PPP1R1C: variants seen among roughly 807,000 people sequenced by gnomAD.
PPP1R1C encodes protein phosphatase 1 regulatory subunit 1C.
In PPP1R1C, 15 loss-of-function variants were observed where a neutral mutation model predicts 17.4. The observed-to-expected ratio is 0.86, with a 90% CI of 0.58 to 1.33. The LOEUF is 1.33. PPP1R1C is among the 40% of genes most tolerant of loss of function. The pLI, the probability that PPP1R1C is intolerant of heterozygous loss-of-function variation, is 0.00. For synonymous variants in PPP1R1C, 35 were observed against 43.1 expected, an observed-to-expected ratio of 0.81 and a Z score of 0.73; for missense variants, 143 against 130.0, an observed-to-expected ratio of 1.10 and a Z score of -0.48.
intron 2 of PPP1R1C, among the ~76,000 whole-genome samples, chr2:181,977,344 T>C (rs1685112096): frequency 6.6e-6 from 1 of 152,058 alleles, no homozygotes; most frequent in Admixed American, 6.6e-5. Flanking sequence ...CATGTTGTTA[T>C]TCTTTCCTGG....
In PPP1R1C at chr2:182,010,271, A is replaced by T. The variant is rs771066242; in HGVS notation, c.142+22372A>T. ...ATTCATGAACATGAAATATTTTTGC[A>T]TTTTTTTGTGTCCTTTTCATTTTCT... On this transcript the variant is annotated intron_variant, in intron 2 of 4. Coordinates refer to ENST00000682840, the MANE Select transcript of PPP1R1C (RefSeq NM_001080545.3). Among the ~76,000 whole-genome samples, 164 of 151,866 alleles carry T rather than the reference A, an allele frequency of 1.1e-3. No individual in the cohort carries two copies. In the Middle Eastern group the frequency reaches 0.024, roughly 22 times the overall value.
intron 4 of PPP1R1C, among the ~76,000 whole-genome samples, chr2:182,076,037 C>G (rs1007885102): frequency 1.3e-5 from 2 of 151,492 alleles, no homozygotes; most frequent in African/African-American, 4.8e-5. Flanking sequence ...ATTATTTTAT[C>G]TTTAAGTTTT....
chr2:181,972,676 G>A (rs758886704), intron 1 of PPP1R1C, among the ~76,000 whole-genome samples: 2 of 152,112 alleles, frequency 1.3e-5, no homozygotes, highest in African/African-American at 2.4e-5. Context: ...CAAAGTGAAA[G>A]GACTTGGGTT....
chr2:181,962,087 TTGAGGTAATGACTCCAGTCTC>T lies in PPP1R1C; in HGVS notation n.111+7457_111+7477del, dbSNP rs1684809053. 1.4e-6 allele frequency: 1 copy of T among 721,864 alleles called. No individual in the cohort carries two copies. Among genetic ancestry groups the T allele is most frequent in the Non-Finnish European group, 2.6e-6 (1 of 390,946 alleles). 44.7% of individuals were successfully genotyped at this position (721,864 alleles called of 1,614,324 possible). ...CTGAACCCTCAGGTCCTCGATGGTC[TTGAGGTAATGACTCCAGTCTC>T]TGACCTGGAGTCCCTTCTTCTCCAG... On this transcript the variant is annotated intron_variant and non_coding_transcript_variant, in intron 1 of 5. Coordinates refer to the PPP1R1C transcript ENST00000464264. This position sits in a 1 kb window ranked among gnomAD's most constrained non-coding sequence, Gnocchi z 6.0.
At chr2:182,083,310 T>A in intron 4 of PPP1R1C, among the ~76,000 whole-genome samples, 1 of 152,178 alleles carries the variant, frequency 6.6e-6, no homozygotes, top group East Asian at 1.9e-4. Flanking sequence ...CACGGATGAA[T>A]TGTATAGTGG....
At chr2:181,990,360 G>A (rs1202834849) in intron 2 of PPP1R1C, among the ~76,000 whole-genome samples, 1 of 151,964 alleles carries the variant, frequency 6.6e-6, no homozygotes, top group East Asian at 1.9e-4. Context: ...TAGCCGGATG[G>A]TCTCGATCTC....
intron 2 of PPP1R1C, among the ~76,000 whole-genome samples, chr2:182,039,396 T>C (rs530756545): frequency 2.0e-5 from 3 of 152,270 alleles, no homozygotes; most frequent in Middle Eastern, 6.8e-3. Flanking sequence ...TTGTTGTTCT[T>C]TGTTTTTGAG....
chr2:182,078,886 A>G (rs1489182551), intron 4 of PPP1R1C, among the ~76,000 whole-genome samples: 1 of 152,258 alleles, frequency 6.6e-6, no homozygotes, highest in Non-Finnish European at 1.5e-5. Context: ...CAACAGAATG[A>G]CACAGAGAAT....
intron 2 of PPP1R1C, among the ~76,000 whole-genome samples, chr2:182,044,723 A>G (rs1240337582): frequency 1.3e-5 from 2 of 152,196 alleles, no homozygotes; most frequent in Non-Finnish European, 2.9e-5. Context: ...GAGGGTGGGA[A>G]CTTAGTTCCT....
chr2:182,047,691 G>A (rs919313109), intron 2 of PPP1R1C, among the ~76,000 whole-genome samples: 4 of 152,158 alleles, frequency 2.6e-5, no homozygotes, highest in Non-Finnish European at 4.4e-5. Flanking sequence ...AAATGGTTGT[G>A]TGGTAGGATA....
At position 182,064,837 on chromosome 2, in the gene PPP1R1C, G is replaced by A. The variant is rs113691443; in HGVS notation, c.241+1046G>A. The stretch of plus-strand genomic sequence containing the variant: ...TAATCATTTTAAAGATATTTTCCCC[G>A]TTGTAAGTGATTTTGTACTTTCAAG... On this transcript the variant is annotated intron_variant, in intron 4 of 4. Coordinates refer to ENST00000682840, the MANE Select transcript of PPP1R1C (RefSeq NM_001080545.3). Among the ~76,000 whole-genome samples the A allele has an allele frequency of 2.6e-4, 39 of 151,990 alleles. 3 individuals are homozygous for A. The highest frequency in any genetic ancestry group is 4.1e-4 in the Non-Finnish European group (28 of 67,946).
chr2:181,988,336 A>G (rs2125140470), intron 2 of PPP1R1C, among the ~76,000 whole-genome samples: 1 of 152,396 alleles, frequency 6.6e-6, no homozygotes, highest in East Asian at 1.9e-4. Flanking sequence ...CGTTGGCTTC[A>G]GCTTTGCTGA....
chr2:182,092,899 T>C (rs1008414892), intron 4 of PPP1R1C, among the ~76,000 whole-genome samples: 5 of 152,160 alleles, frequency 3.3e-5, no homozygotes, highest in Non-Finnish European at 5.9e-5. Context: ...ATCTGCAGCT[T>C]TTCCAGGTGC....
At chr2:182,030,409 G>T (rs887290129) in intron 2 of PPP1R1C, among the ~76,000 whole-genome samples, 2 of 151,566 alleles carry the variant, frequency 1.3e-5, no homozygotes, top group Non-Finnish European at 3.0e-5. Context: ...TGTCCTTTCT[G>T]TTTGTTAGTT....
rs142618201 is a variant in PPP1R1C, at chr2:182,090,289, C to CTGTG, written c.241+26522_241+26525dup. Among the ~76,000 whole-genome samples, 523 of 145,688 alleles carry CTGTG rather than the reference C, an allele frequency of 3.6e-3. 5 individuals carry two copies. Among genetic ancestry groups the CTGTG allele is most frequent in the South Asian group, 9.7e-3 (45 of 4,650 alleles). On this transcript the variant is annotated intron_variant, in intron 4 of 4. Coordinates refer to ENST00000682840, the MANE Select transcript of PPP1R1C (RefSeq NM_001080545.3). ...AAACAATTCTCTTGAACTATAAATT[C>CTGTG]TGTGTGTGTGTGTGTGTGTGTGTGT...
intron 4 of PPP1R1C, among the ~76,000 whole-genome samples, chr2:182,097,273 T>C (rs1280781100): frequency 2.6e-5 from 4 of 152,194 alleles, no homozygotes; most frequent in Admixed American, 2.6e-4. Context: ...TTTTCATTAA[T>C]GTACTTGAAA....
At chr2:182,094,462 C>T (rs1459315474) in intron 4 of PPP1R1C, among the ~76,000 whole-genome samples, 3 of 152,158 alleles carry the variant, frequency 2.0e-5, no homozygotes, top group Non-Finnish European at 4.4e-5. Context: ...CAAGTTTAGC[C>T]TGGTGGGAAA....
chr2:181,961,603 T>G lies in PPP1R1C; in HGVS notation n.111+6969T>G. 2.7e-6 allele frequency: 2 copies of G among 741,478 alleles called. No individual in the cohort carries two copies. The highest frequency in any genetic ancestry group is 2.5e-5 in the East Asian group (1 of 40,432). 45.9% of individuals were successfully genotyped at this position (741,478 alleles called of 1,614,324 possible). ...ACGTCTCAGCTCCGTGAGCGTCATC[T>G]CAGCATCTCCAACCTTGGTGGACTG... is the stretch of plus-strand genomic sequence containing the variant. On this transcript the variant is annotated intron_variant and non_coding_transcript_variant, in intron 1 of 5. Coordinates refer to the PPP1R1C transcript ENST00000464264. This position sits in a 1 kb window ranked among gnomAD's most constrained non-coding sequence, Gnocchi z 5.8.
At chr2:182,102,262 G>T (rs939045590) in intron 4 of PPP1R1C, among the ~76,000 whole-genome samples, 1 of 152,162 alleles carries the variant, frequency 6.6e-6, no homozygotes, top group Non-Finnish European at 1.5e-5. Flanking sequence ...TAGCATCAAA[G>T]ACCTAATTTA....
Sources: allele counts gnomAD v4.1 joint callset (sites outside exome capture counted in the v4.1 genomes callset), GRCh38; gene constraint gnomAD v4.1.1; non-coding constraint Gnocchi (gnomAD v3.1); transcripts MANE v1.5; gene names NCBI Gene and HGNC (gene_info 2026-07-23, HGNC 2026-07-21).